Variants in MSH3 observed in about 807,000 individuals in gnomAD.
The protein encoded by MSH3 is mutS homolog 3.
In MSH3, 106 loss-of-function variants were observed where a neutral mutation model predicts 123.3. That is an observed-to-expected ratio of 0.86 (90% CI 0.73 to 1.01). MSH3 has a LOEUF of 1.01. MSH3 is among the 50% of genes least tolerant of loss of function. The probability of loss-of-function intolerance (pLI) is 0.00; values close to 1 mark genes in which losing one functional copy is unlikely to be tolerated. For missense variants in MSH3, 1,459 were observed against 1,347.6 expected (o/e 1.08, Z -1.29); for synonymous variants, 515 against 481.4 (o/e 1.07, Z -0.91).
intron 19 of MSH3, among the ~76,000 whole-genome samples, chr5:80,808,867 A>ATATATATATATATATC (rs1744951065): frequency 8.0e-6 from 1 of 124,280 alleles, no homozygotes; most frequent in Non-Finnish European, 1.6e-5. Context: ...TCATATATAT[A>ATATATATATATATATC]TATATATATA....
intron 17 of MSH3, among the ~76,000 whole-genome samples, chr5:80,785,589 C>T (rs1466461494): frequency 2.6e-5 from 4 of 152,170 alleles, no homozygotes; most frequent in Non-Finnish European, 5.9e-5. Flanking sequence ...CCATTTGACC[C>T]AGCCATCCCA....
Position 80,741,464 on chromosome 5 carries a change from G to A in MSH3, c.1569G>A (p.Glu523=), listed in dbSNP as rs1232782030. ...CTAATTATATTTGATTCTTTTACAG[G>A]AATTTTAAACAGCTATCAAGTAAAA... ...FNLEKMLSKP[E]NFKQLSSKME... The change falls in exon 11 of 24, where the codon GAG becomes GAA. Residue 523 remains glutamate, a splice_region_variant and synonymous_variant. Coordinates refer to ENST00000265081, the MANE Select transcript of MSH3 (RefSeq NM_002439.5). 1 of 1,553,874 alleles carries A rather than the reference G, an allele frequency of 6.4e-7. No individual in the cohort carries two copies. Among genetic ancestry groups the A allele is most frequent in the African/African-American group, 1.4e-5 (1 of 73,660 alleles).
intron 8 of MSH3, among the ~76,000 whole-genome samples, chr5:80,700,538 G>A (rs1271472853): frequency 1.3e-5 from 2 of 151,876 alleles, no homozygotes; most frequent in African/African-American, 4.8e-5. Flanking sequence ...TTCTTCCCTG[G>A]TGGTAATGCC....
At chr5:80,783,783 A>G (rs1744449773) in intron 17 of MSH3, among the ~76,000 whole-genome samples, 1 of 152,190 alleles carries the variant, frequency 6.6e-6, no homozygotes, top group African/African-American at 2.4e-5. Context: ...CAGAGAGGCA[A>G]GGGCAGAAAT....
chr5:80,797,457 C>A (rs1744717112), intron 19 of MSH3, among the ~76,000 whole-genome samples: 2 of 151,914 alleles, frequency 1.3e-5, no homozygotes, highest in South Asian at 4.2e-4. Context: ...ATTTTCTACA[C>A]AAAATGTTTT....
intron 20 of MSH3, among the ~76,000 whole-genome samples, chr5:80,817,746 A>G (rs1745130990): frequency 6.6e-6 from 1 of 152,152 alleles, no homozygotes; most frequent in Non-Finnish European, 1.5e-5. Flanking sequence ...GTTCCAGCCA[A>G]TAAACCAAGC....
At chr5:80,745,067 A>G (rs1299902584) in intron 12 of MSH3, among the ~76,000 whole-genome samples, 2 of 152,202 alleles carry the variant, frequency 1.3e-5, no homozygotes, top group South Asian at 2.1e-4. Context: ...AGGAGTCCAA[A>G]AGAGGGGTTA....
At chr5:80,719,419 G>T (rs1220139730) in intron 8 of MSH3, among the ~76,000 whole-genome samples, 3 of 152,048 alleles carry the variant, frequency 2.0e-5, no homozygotes. Flanking sequence ...ACTATATTAA[G>T]AACTCATTAA....
chr5:80,660,774 C>A (rs1677682), intron 2 of MSH3, among the ~76,000 whole-genome samples: 41,051 of 151,772 alleles, frequency 0.27, 5,754 homozygotes, highest in Middle Eastern at 0.35. Context: ...CTGCAGGAAC[C>A]CATATTTGAT....
chr5:80,704,395 T>C (rs1225953818), intron 8 of MSH3, among the ~76,000 whole-genome samples: 1 of 152,238 alleles, frequency 6.6e-6, no homozygotes, highest in East Asian at 1.9e-4. Context: ...ATGGGTTTCT[T>C]TGTTGTAACC....
chr5:80,677,962 C>T (rs549484350), intron 7 of MSH3, among the ~76,000 whole-genome samples: 6 of 152,172 alleles, frequency 3.9e-5, no homozygotes, highest in African/African-American at 7.2e-5. Context: ...TGTCTTGTAT[C>T]GTATACAAAT....
intron 8 of MSH3, among the ~76,000 whole-genome samples, chr5:80,697,493 T>G (rs548604347): frequency 7.7e-4 from 118 of 152,366 alleles, no homozygotes; most frequent in African/African-American, 2.7e-3. Context: ...AAGTTGGTAT[T>G]TGAGTTAAAA....
chr5:80,792,330 C>G (rs1744621421), intron 18 of MSH3, among the ~76,000 whole-genome samples: 1 of 151,340 alleles, frequency 6.6e-6, no homozygotes, highest in Non-Finnish European at 1.5e-5. Context: ...AGCCTAGGAG[C>G]TTGAGGCTGT....
At chr5:80,669,090 G>A (rs1268406774) in intron 3 of MSH3, among the ~76,000 whole-genome samples, 1 of 152,142 alleles carries the variant, frequency 6.6e-6, no homozygotes, top group African/African-American at 2.4e-5. Context: ...ATCTTTGGAG[G>A]TTTGCTGGAC....
chr5:80,719,874 G>A (rs937906093), intron 8 of MSH3, among the ~76,000 whole-genome samples: 1 of 152,160 alleles, frequency 6.6e-6, no homozygotes, highest in African/African-American at 2.4e-5. Flanking sequence ...ACACCTTAGT[G>A]TGCATCAGAA....
chr5:80,836,233 A>C (rs986294632), intron 20 of MSH3, among the ~76,000 whole-genome samples: 1 of 152,198 alleles, frequency 6.6e-6, no homozygotes, highest in African/African-American at 2.4e-5. Context: ...CATTCACAAA[A>C]TTGTTAACTC....
chr5:80,836,611 A>C (rs1656325869), intron 20 of MSH3, among the ~76,000 whole-genome samples: 1 of 148,350 alleles, frequency 6.7e-6, no homozygotes, highest in Non-Finnish European at 1.5e-5. Flanking sequence ...GACTGGTTTC[A>C]GGACCCCCCA....
At chr5:80,718,132 C>T (rs1383056870) in intron 8 of MSH3, among the ~76,000 whole-genome samples, 2 of 152,234 alleles carry the variant, frequency 1.3e-5, no homozygotes. Flanking sequence ...GAAGCTCTCT[C>T]TGCCTCCTCA....
intron 8 of MSH3, among the ~76,000 whole-genome samples, chr5:80,683,228 G>A (rs1750013204): frequency 6.6e-6 from 1 of 152,096 alleles, no homozygotes; most frequent in African/African-American, 2.4e-5. Context: ...ATCTAGCAGT[G>A]GGATTGCTGG....
Sources: gnomAD v4.1 joint callset for allele counts (sites outside exome capture counted in the v4.1 genomes callset) on GRCh38, gnomAD v4.1.1 for gene constraint, MANE v1.5 for transcripts, NCBI Gene and HGNC (gene_info 2026-07-23, HGNC 2026-07-21) for gene names.